The following NUDCD1 variants were observed in gnomAD, a reference collection of about 807,000 sequenced individuals.
NUDCD1 encodes NudC domain containing 1.
In NUDCD1, 60 loss-of-function variants were observed where a neutral mutation model predicts 67.8. That is an observed-to-expected ratio of 0.88 (90% confidence interval 0.72 to 1.10). The LOEUF is 1.10. Among genes scored for constraint, NUDCD1 ranks in the 50% least tolerant of loss-of-function variants. The pLI, the probability that NUDCD1 is intolerant of heterozygous loss-of-function variation, is 0.00. For missense variants in NUDCD1, 643 were observed against 695.0 expected, an observed-to-expected ratio of 0.93 and a Z score of 0.84; for synonymous variants, 244 against 230.8, an observed-to-expected ratio of 1.06 and a Z score of -0.52.
At chr8:109,267,244 G>A (rs980249282) in intron 8 of NUDCD1, among the ~76,000 whole-genome samples, 6 of 152,192 alleles carry the variant, frequency 3.9e-5, no homozygotes, top group African/African-American at 9.6e-5. Context: ...CATAGTTCCC[G>A]ACAGGTAGTT....
chr8:109,256,157 A>G (rs1044967796), intron 8 of NUDCD1, among the ~76,000 whole-genome samples: 1 of 152,192 alleles, frequency 6.6e-6, no homozygotes, highest in African/African-American at 2.4e-5. Flanking sequence ...GGCTGCAGTG[A>G]GCATGCACTT....
intron 8 of NUDCD1, among the ~76,000 whole-genome samples, chr8:109,268,895 AAAC>A (rs1384378459): frequency 3.9e-5 from 6 of 152,150 alleles, no homozygotes; most frequent in Non-Finnish European, 7.3e-5. Flanking sequence ...TGTCAAAACT[AAAC>A]AACATCTAGG....
intron 7 of NUDCD1, among the ~76,000 whole-genome samples, chr8:109,273,229 G>A (rs1814200051): frequency 6.6e-6 from 1 of 152,098 alleles, no homozygotes; most frequent in Admixed American, 6.6e-5. Context: ...AGACTTCAGA[G>A]TCCACACAGT....
intron 2 of NUDCD1, among the ~76,000 whole-genome samples, chr8:109,312,020 C>T (rs1317608572): frequency 2.6e-5 from 4 of 151,746 alleles, no homozygotes; most frequent in South Asian, 2.1e-4. Context: ...TAAAAAAAGT[C>T]GGCTGGGCGC....
rs572314735 is a variant in NUDCD1, at chr8:109,266,351, A to G, written c.1299+4654T>C. 7.3e-5 allele frequency among the ~76,000 whole-genome samples: 11 copies of G among 149,660 alleles called. No individual in the cohort carries two copies. The East Asian group carries it at 2.2e-3, about 29-fold the overall frequency. On this transcript the variant is annotated intron_variant, in intron 8 of 9. Coordinates refer to ENST00000239690, the MANE Select transcript of NUDCD1 (RefSeq NM_032869.4). Reference sequence around the variant, plus strand: ...CACCATTTTCCTGCCTCAGCCTCCCAAGTAGCTGGGACTACAGGTGCCTGC... The same window carrying G: ...CACCATTTTCCTGCCTCAGCCTCCCGAGTAGCTGGGACTACAGGTGCCTGC...
intron 4 of NUDCD1, among the ~76,000 whole-genome samples, chr8:109,290,297 T>C (rs1814680418): frequency 6.6e-6 from 1 of 152,126 alleles, no homozygotes. Context: ...ATGGTACACA[T>C]ATAAAACATG....
chr8:109,276,725 C>G (rs937941108), intron 6 of NUDCD1, among the ~76,000 whole-genome samples: 2 of 152,174 alleles, frequency 1.3e-5, no homozygotes, highest in Non-Finnish European at 2.9e-5. Context: ...GGCACAATCT[C>G]TCTTACTGCA....
intron 2 of NUDCD1, 120 bp from the exon 3 acceptor site, chr8:109,296,689 C>T: frequency 1.5e-6 from 1 of 673,062 alleles, no homozygotes; most frequent in Non-Finnish European, 2.5e-6. Flanking sequence ...AATTCCTCTT[C>T]CTTTGATGTG....
chr8:109,245,620 A>G (rs1286056110), intron 8 of NUDCD1, 139 bp from the exon 9 acceptor site: 11 of 610,592 alleles, frequency 1.8e-5, no homozygotes, highest in Non-Finnish European at 3.1e-5. Flanking sequence ...TTGACTCCTC[A>G]TAATATCCCT....
At chr8:109,313,649 G>C (rs1815314525) in intron 2 of NUDCD1, 1 of 340,642 alleles carries the variant, frequency 2.9e-6, no homozygotes, top group East Asian at 7.8e-5. Flanking sequence ...TCAAAGTAAA[G>C]GTTTCTAGTT....
chr8:109,294,087 C>G (rs201908437), intron 3 of NUDCD1, among the ~76,000 whole-genome samples: 1 of 63,848 alleles, frequency 1.6e-5, no homozygotes, highest in Non-Finnish European at 4.1e-5. Context: ...TCTTATACCA[C>G]AAACACAAGA....
intron 1 of NUDCD1, among the ~76,000 whole-genome samples, chr8:109,331,898 G>C (rs1016646875): frequency 2.6e-5 from 4 of 152,162 alleles, no homozygotes; most frequent in Admixed American, 2.6e-4. Context: ...AGGCAAACAA[G>C]GCCCTCACTG....
At chr8:109,247,410 G>A (rs1813523870) in intron 8 of NUDCD1, among the ~76,000 whole-genome samples, 1 of 152,162 alleles carries the variant, frequency 6.6e-6, no homozygotes, top group African/African-American at 2.4e-5. Flanking sequence ...AGAGACAGCA[G>A]TGAGAAAAGA....
intron 2 of NUDCD1, among the ~76,000 whole-genome samples, chr8:109,313,646 AAAG>A (rs1454643356): frequency 3.9e-5 from 6 of 152,220 alleles, no homozygotes; most frequent in Non-Finnish European, 7.3e-5. Flanking sequence ...ATTTCAAAGT[AAAG>A]GTTTCTAGTT....
intron 8 of NUDCD1, among the ~76,000 whole-genome samples, chr8:109,249,994 C>T (rs997671212): frequency 6.6e-6 from 1 of 151,786 alleles, no homozygotes; most frequent in African/African-American, 2.4e-5. Flanking sequence ...GACAAGCACA[C>T]ACTGCCATGC....
At chr8:109,252,692 C>T (rs948321538) in intron 8 of NUDCD1, among the ~76,000 whole-genome samples, 1 of 152,124 alleles carries the variant, frequency 6.6e-6, no homozygotes, top group Non-Finnish European at 1.5e-5. Context: ...CATGGCAGTC[C>T]TCCTGTCTCC....
intron 2 of NUDCD1, among the ~76,000 whole-genome samples, chr8:109,319,876 G>C (rs1294714338): frequency 3.3e-5 from 5 of 152,166 alleles, no homozygotes; most frequent in Admixed American, 2.0e-4. Flanking sequence ...TTAAGGGACA[G>C]AGTACAAAAG....
Position 109,263,991 on chromosome 8 carries a change from G to A in NUDCD1, c.1299+7014C>T, listed in dbSNP as rs1043317560. On this transcript the variant is annotated intron_variant, in intron 8 of 9. Coordinates refer to ENST00000239690, the MANE Select transcript of NUDCD1 (RefSeq NM_032869.4). ...ACTTTAAAATGTCCTTGAGAAAGAA[G>A]TCAAAATGATTAATTTTATTAAATC... Among the ~76,000 whole-genome samples the A allele has an allele frequency of 1.3e-5, 2 of 152,142 alleles. 1 individual carries two copies. Among genetic ancestry groups the A allele is most frequent in the Non-Finnish European group, 2.9e-5 (2 of 68,008 alleles).
At chr8:109,265,145 T>C (rs1813965241) in intron 8 of NUDCD1, among the ~76,000 whole-genome samples, 1 of 152,032 alleles carries the variant, frequency 6.6e-6, no homozygotes, top group African/African-American at 2.4e-5. Context: ...ATCTCAAATC[T>C]TCTAACATTA....
Sources: gnomAD v4.1 joint callset for allele counts (sites outside exome capture counted in the v4.1 genomes callset) on GRCh38, gnomAD v4.1.1 for gene constraint, MANE v1.5 for transcripts, NCBI Gene and HGNC (gene_info 2026-07-23, HGNC 2026-07-21) for gene names.